Variants in PXDNL observed in about 807,000 individuals in gnomAD.
PXDNL encodes the protein peroxidasin like.
Under a neutral mutation model 150.8 loss-of-function variants are expected in PXDNL, and 145 were observed. The observed-to-expected ratio is 0.96, with a 90% CI of 0.84 to 1.10. The LOEUF is 1.10. PXDNL is among the 50% of genes least tolerant of loss of function. PXDNL has a pLI of 0.00. For missense variants in PXDNL, 2,087 were observed against 1,873.9 expected (o/e 1.11, Z -2.10); for synonymous variants, 757 against 725.7 (o/e 1.04, Z -0.69).
At chr8:51,596,588 G>C (rs1412574073) in intron 2 of PXDNL, among the ~76,000 whole-genome samples, 5 of 151,906 alleles carry the variant, frequency 3.3e-5, no homozygotes, top group Admixed American at 2.0e-4. Context: ...TTTAATAATA[G>C]CCATTCTGAC....
chr8:51,580,087 TA>T, intron 3 of PXDNL, among the ~76,000 whole-genome samples: 1 of 151,998 alleles, frequency 6.6e-6, no homozygotes, highest in Non-Finnish European at 1.5e-5. Context: ...TGTTTCCATT[TA>T]AATAACATTT....
At chr8:51,550,878 C>T (rs1208880136) in intron 4 of PXDNL, among the ~76,000 whole-genome samples, 1 of 152,136 alleles carries the variant, frequency 6.6e-6, no homozygotes, top group African/African-American at 2.4e-5. Flanking sequence ...GTCAAACTGT[C>T]GTTGTTCACC....
intron 12 of PXDNL, among the ~76,000 whole-genome samples, chr8:51,441,657 T>C (rs552636339): frequency 5.3e-5 from 8 of 152,078 alleles, no homozygotes; most frequent in Non-Finnish European, 8.8e-5. Context: ...TCAGTACTGG[T>C]ACACAGATAG....
chr8:51,422,803 T>C (rs1312768113), intron 14 of PXDNL, among the ~76,000 whole-genome samples: 1 of 152,208 alleles, frequency 6.6e-6, no homozygotes, highest in East Asian at 1.9e-4. Context: ...CATGCAGACA[T>C]GCTGTGCTTT....
intron 21 of PXDNL, among the ~76,000 whole-genome samples, chr8:51,331,062 C>A (rs370043891): frequency 6.6e-6 from 1 of 152,152 alleles, no homozygotes; most frequent in African/African-American, 2.4e-5. Flanking sequence ...ACTGCAAGAA[C>A]AAACCAGCAA....
chr8:51,405,157 C>T (rs993525911), intron 17 of PXDNL, among the ~76,000 whole-genome samples: 1 of 152,138 alleles, frequency 6.6e-6, no homozygotes, highest in African/African-American at 2.4e-5. Context: ...GCCCGCGCCT[C>T]TCCTTCCACA....
intron 3 of PXDNL, among the ~76,000 whole-genome samples, chr8:51,576,198 C>CAAAAAA (rs35166901): frequency 3.7e-5 from 4 of 109,362 alleles, no homozygotes; most frequent in Non-Finnish European, 8.2e-5. Context: ...AACACTGCTC[C>CAAAAAA]AAAAAAAAAA....
chr8:51,661,483 T>A (rs1446935838), intron 1 of PXDNL, among the ~76,000 whole-genome samples: 1 of 152,202 alleles, frequency 6.6e-6, no homozygotes, highest in Non-Finnish European at 1.5e-5. Flanking sequence ...TAGTTGGGCC[T>A]CATCCAGTCA....
At chr8:51,584,158 G>A (rs920134420) in intron 3 of PXDNL, among the ~76,000 whole-genome samples, 2 of 152,094 alleles carry the variant, frequency 1.3e-5, no homozygotes, top group African/African-American at 2.4e-5. Flanking sequence ...TTCCTTGATG[G>A]CAAATCTGTA....
intron 1 of PXDNL, among the ~76,000 whole-genome samples, chr8:51,808,272 C>G (rs1309205069): frequency 6.6e-6 from 1 of 152,162 alleles, no homozygotes; most frequent in Admixed American, 6.5e-5. Flanking sequence ...ATGACACAAC[C>G]CACAAAATAT....
At chr8:51,456,549 T>C (rs1809941774) in intron 9 of PXDNL, among the ~76,000 whole-genome samples, 1 of 152,232 alleles carries the variant, frequency 6.6e-6, no homozygotes, top group Non-Finnish European at 1.5e-5. Flanking sequence ...ACAAAGCCAT[T>C]CTTAAAATTT....
intron 3 of PXDNL, among the ~76,000 whole-genome samples, chr8:51,559,933 A>G (rs1032031371): frequency 2.6e-5 from 4 of 152,044 alleles, no homozygotes; most frequent in Non-Finnish European, 2.9e-5. Flanking sequence ...ATTACCTGTA[A>G]ATACTAAAGG....
At chr8:51,801,000 G>C (rs2037613080) in intron 1 of PXDNL, among the ~76,000 whole-genome samples, 1 of 152,218 alleles carries the variant, frequency 6.6e-6, no homozygotes, top group Admixed American at 6.5e-5. Context: ...CCAAAGGTCT[G>C]ACTGCCTGCG....
At chr8:51,628,987 A>G (rs554178399) in intron 2 of PXDNL, among the ~76,000 whole-genome samples, 1 of 152,200 alleles carries the variant, frequency 6.6e-6, no homozygotes. Flanking sequence ...CTTGCAAAGA[A>G]GCAAGAAAGT....
At chr8:51,575,136 A>G (rs1476112592) in intron 3 of PXDNL, among the ~76,000 whole-genome samples, 1 of 152,058 alleles carries the variant, frequency 6.6e-6, no homozygotes, top group East Asian at 1.9e-4. Context: ...GGGAGGGTAA[A>G]GGGACTTAAG....
intron 1 of PXDNL, among the ~76,000 whole-genome samples, chr8:51,778,121 G>C (rs2129246990): frequency 6.6e-6 from 1 of 152,062 alleles, no homozygotes; most frequent in African/African-American, 2.4e-5. Flanking sequence ...TATATCACAA[G>C]GTCAGGAGAT....
chr8:51,799,146 C>T (rs1047525230), intron 1 of PXDNL, among the ~76,000 whole-genome samples: 4 of 152,132 alleles, frequency 2.6e-5, no homozygotes, highest in African/African-American at 9.7e-5. Flanking sequence ...AACAGAACAC[C>T]ATACACCACT....
At chr8:51,511,963 T>C (rs1281979970) in intron 4 of PXDNL, among the ~76,000 whole-genome samples, 1 of 152,188 alleles carries the variant, frequency 6.6e-6, no homozygotes, top group African/African-American at 2.4e-5. Context: ...AAGACTTCAG[T>C]TGAATTTTTA....
intron 17 of PXDNL, among the ~76,000 whole-genome samples, chr8:51,404,969 C>G (rs986443411): frequency 6.6e-6 from 1 of 152,168 alleles, no homozygotes; most frequent in African/African-American, 2.4e-5. Flanking sequence ...AGTCCTGCCC[C>G]GCAGGGAGGC....
Sources: gnomAD v4.1 joint callset for allele counts (sites outside exome capture counted in the v4.1 genomes callset) on GRCh38, gnomAD v4.1.1 for gene constraint, MANE v1.5 for transcripts, NCBI Gene and HGNC (gene_info 2026-07-23, HGNC 2026-07-21) for gene names.